Variants in PCDH9 observed in about 807,000 individuals in gnomAD.
The protein encoded by PCDH9 is protocadherin 9, also known as protocadherin-9.
Under a neutral mutation model 70.6 loss-of-function variants are expected in PCDH9, and 24 were observed. The observed-to-expected ratio is 0.34, with a 90% CI of 0.25 to 0.48. The LOEUF (loss-of-function observed/expected upper bound fraction) is 0.48, where lower values mean the gene tolerates loss of function less well. PCDH9 is among the 20% of genes least tolerant of loss of function. PCDH9 has a pLI of 0.99. For missense variants in PCDH9, 1,281 were observed against 1,503.6 expected (o/e 0.85, Z 2.45); for synonymous variants, 562 against 558.5 (o/e 1.01, Z -0.09).
intron 2 of PCDH9, among the ~76,000 whole-genome samples, chr13:67,173,542 A>C (rs910446393): frequency 6.6e-6 from 1 of 152,152 alleles, no homozygotes; most frequent in Non-Finnish European, 1.5e-5. Context: ...CAAGATGGAA[A>C]ATTCACTTAG....
intron 4 of PCDH9, among the ~76,000 whole-genome samples, chr13:66,547,066 A>T (rs186182082): frequency 1.0e-3 from 154 of 152,344 alleles, no homozygotes; most frequent in Admixed American, 3.3e-3. Flanking sequence ...TCATTAAAGG[A>T]CACATACTGT....
intron 4 of PCDH9, among the ~76,000 whole-genome samples, chr13:66,367,083 T>C (rs1482646854): frequency 6.6e-6 from 1 of 152,134 alleles, no homozygotes; most frequent in African/African-American, 2.4e-5. Flanking sequence ...AATTTTTAAA[T>C]TTATTTAATT....
intron 3 of PCDH9, among the ~76,000 whole-genome samples, chr13:66,839,670 C>CT (rs2081083249): frequency 6.6e-6 from 1 of 152,204 alleles, no homozygotes; most frequent in Non-Finnish European, 1.5e-5. Context: ...AAATACCTCT[C>CT]TGATACCGTC....
At chr13:67,034,995 T>C (rs962643849) in intron 2 of PCDH9, among the ~76,000 whole-genome samples, 4 of 151,974 alleles carry the variant, frequency 2.6e-5, no homozygotes, top group Non-Finnish European at 4.4e-5. Flanking sequence ...TTCAGAAATA[T>C]GGTAGCATGT....
intron 3 of PCDH9, among the ~76,000 whole-genome samples, chr13:66,896,977 C>T (rs1444718947): frequency 6.6e-6 from 1 of 152,174 alleles, no homozygotes; most frequent in East Asian, 1.9e-4. Flanking sequence ...TTATTTATAA[C>T]AACATACTTT....
intron 3 of PCDH9, among the ~76,000 whole-genome samples, chr13:66,771,293 A>G (rs1410463176): frequency 6.6e-6 from 1 of 152,154 alleles, no homozygotes; most frequent in African/African-American, 2.4e-5. Flanking sequence ...CTTTAGATCT[A>G]TAGGAGAATA....
At chr13:66,728,140 T>C (rs1477911546) in intron 3 of PCDH9, among the ~76,000 whole-genome samples, 1 of 152,170 alleles carries the variant, frequency 6.6e-6, no homozygotes, top group East Asian at 1.9e-4. Flanking sequence ...GCCATAGCCT[T>C]CCTAAAGACA....
intron 3 of PCDH9, chr13:66,782,926 T>A (rs1208121613): frequency 2.0e-5 from 3 of 152,220 alleles, no homozygotes; most frequent in Non-Finnish European, 4.4e-5. Flanking sequence ...TTAACATAAA[T>A]TAATCTAAAC....
At chr13:67,170,796 A>G (rs2088262572) in intron 2 of PCDH9, among the ~76,000 whole-genome samples, 2 of 151,856 alleles carry the variant, frequency 1.3e-5, no homozygotes, top group Non-Finnish European at 2.9e-5. Context: ...CTGGTGGTGC[A>G]CTCCTGTAAT....
intron 2 of PCDH9, among the ~76,000 whole-genome samples, chr13:67,137,903 T>C (rs1927814): frequency 0.73 from 111,399 of 151,936 alleles, 41,130 homozygotes; most frequent in East Asian, 0.85. Context: ...TTCAATTCTA[T>C]GTAAAAAATT....
At chr13:66,450,067 G>A (rs1205350038) in intron 4 of PCDH9, among the ~76,000 whole-genome samples, 1 of 152,120 alleles carries the variant, frequency 6.6e-6, no homozygotes, top group East Asian at 1.9e-4. Flanking sequence ...TTTTGGAAGA[G>A]TTTATTTTTT....
chr13:66,976,640 C>G (rs921690777), intron 2 of PCDH9, among the ~76,000 whole-genome samples: 2 of 152,068 alleles, frequency 1.3e-5, no homozygotes, highest in African/African-American at 4.8e-5. Flanking sequence ...GAAGTCAATA[C>G]TTAGGCAAGG....
chr13:66,406,514 A>G (rs920399443), intron 4 of PCDH9, among the ~76,000 whole-genome samples: 1 of 152,202 alleles, frequency 6.6e-6, no homozygotes, highest in African/African-American at 2.4e-5. Flanking sequence ...ATTATGTAAC[A>G]TAAACTTCAA....
intron 2 of PCDH9, among the ~76,000 whole-genome samples, chr13:66,955,274 C>T (rs1251295716): frequency 6.6e-6 from 1 of 152,114 alleles, no homozygotes; most frequent in Non-Finnish European, 1.5e-5. Flanking sequence ...TTTTCAGTGA[C>T]AGTAAACTTA....
intron 3 of PCDH9, among the ~76,000 whole-genome samples, chr13:66,690,739 A>G (rs1258957061): frequency 1.3e-5 from 2 of 152,180 alleles, no homozygotes; most frequent in Non-Finnish European, 2.9e-5. Flanking sequence ...GGTCAGAAAT[A>G]AGTTTCCTGG....
rs74093405 is a variant in PCDH9 at position 67,171,593 on chromosome 13, T to C, written c.3036+53812A>G. On this transcript the variant is annotated intron_variant, in intron 2 of 4. Coordinates refer to ENST00000377865, the MANE Select transcript of PCDH9 (RefSeq NM_203487.3). Reference sequence around the variant, plus strand: ...GACTGTAGTCATTTATCTCTGGTTATGTTATACCTTTATCTTTATTATGCA... The same window carrying C: ...GACTGTAGTCATTTATCTCTGGTTACGTTATACCTTTATCTTTATTATGCA... Among the ~76,000 whole-genome samples the C allele has an allele frequency of 6.7e-3, 1,028 of 152,352 alleles. 12 individuals are homozygous for C. Among genetic ancestry groups the C allele is most frequent in the African/African-American group, 0.023 (968 of 41,582 alleles).
At chr13:66,985,849 A>C (rs2083880638) in intron 2 of PCDH9, 1 of 152,078 alleles carries the variant, frequency 6.6e-6, no homozygotes, top group South Asian at 2.1e-4. Flanking sequence ...GCACACCCTT[A>C]ATCAATCTGG....
intron 2 of PCDH9, among the ~76,000 whole-genome samples, chr13:67,151,804 G>T (rs972508345): frequency 6.6e-6 from 1 of 152,026 alleles, no homozygotes; most frequent in African/African-American, 2.4e-5. Context: ...AAGGACTCAG[G>T]AAGTATCAGC....
chr13:66,555,002 T>G (rs1770206003), intron 4 of PCDH9, among the ~76,000 whole-genome samples: 1 of 152,016 alleles, frequency 6.6e-6, no homozygotes. Flanking sequence ...AAACCCCATC[T>G]CTACTAAAAA....
Sources: allele counts gnomAD v4.1 joint callset (sites outside exome capture counted in the v4.1 genomes callset), GRCh38; gene constraint gnomAD v4.1.1; transcripts MANE v1.5; gene names NCBI Gene and HGNC (gene_info 2026-07-23, HGNC 2026-07-21).